The following PSD3 variants were observed in gnomAD, a reference collection of about 807,000 sequenced individuals.
PSD3 encodes PH and SEC7 domain-containing protein 3.
PSD3 carries 49 observed loss-of-function variants against 105.5 expected under a neutral mutation model. That is an observed-to-expected ratio of 0.46 (90% CI 0.37 to 0.59). The LOEUF (loss-of-function observed/expected upper bound fraction) is 0.59, where lower values mean the gene tolerates loss of function less well. Among genes scored for constraint, PSD3 ranks in the 20% least tolerant of loss-of-function variants. PSD3 has a pLI of 0.00. For missense variants in PSD3, 1,561 were observed against 1,263.8 expected (o/e 1.24, Z -3.57); for synonymous variants, 557 against 457.8 (o/e 1.22, Z -2.77).
intron 1 of PSD3, among the ~76,000 whole-genome samples, chr8:19,058,973 C>A (rs148764335): frequency 4.3e-4 from 65 of 152,302 alleles, no homozygotes; most frequent in Non-Finnish European, 7.3e-5. Flanking sequence ...AGCAGAGCTA[C>A]CCAACCTGAA....
At chr8:18,655,093 G>A (rs1043695947) in intron 10 of PSD3, among the ~76,000 whole-genome samples, 2 of 151,964 alleles carry the variant, frequency 1.3e-5, no homozygotes, top group East Asian at 3.9e-4. Context: ...GGAGGCCGAG[G>A]CAGGTGGATC....
intron 1 of PSD3, among the ~76,000 whole-genome samples, chr8:19,009,902 C>T (rs899059161): frequency 1.3e-5 from 2 of 152,056 alleles, no homozygotes; most frequent in African/African-American, 2.4e-5. Context: ...ACAACAACAA[C>T]AGAAAAATCA....
At chr8:18,610,943 C>G (rs1329039524) in intron 11 of PSD3, among the ~76,000 whole-genome samples, 1 of 152,172 alleles carries the variant, frequency 6.6e-6, no homozygotes, top group Non-Finnish European at 1.5e-5. Context: ...AAAATCTATA[C>G]AATGAATCTA....
intron 15 of PSD3, among the ~76,000 whole-genome samples, chr8:18,537,882 G>A (rs930200679): frequency 9.9e-5 from 15 of 152,122 alleles, no homozygotes; most frequent in Admixed American, 1.3e-4. Flanking sequence ...TCGCCATGTT[G>A]GCCAGGCTGG....
At chr8:18,826,206 C>A (rs575343275) in intron 4 of PSD3, among the ~76,000 whole-genome samples, 1 of 152,314 alleles carries the variant, frequency 6.6e-6, no homozygotes, top group South Asian at 2.1e-4. Context: ...AGCTCTCTGT[C>A]GCTCAGGCCT....
At chr8:18,616,156 C>T (rs1805644804) in intron 11 of PSD3, among the ~76,000 whole-genome samples, 1 of 152,354 alleles carries the variant, frequency 6.6e-6, no homozygotes, top group Non-Finnish European at 1.5e-5. Context: ...AGCCAGAAAA[C>T]GGTCTGCTAC....
chr8:18,641,824 T>G (rs976370487), intron 10 of PSD3, among the ~76,000 whole-genome samples: 5 of 152,132 alleles, frequency 3.3e-5, no homozygotes, highest in African/African-American at 1.2e-4. Flanking sequence ...ATGTGCTGAG[T>G]TATCATGGGG....
chr8:18,943,875 AC>A lies in PSD3; in HGVS notation c.22-7734del, dbSNP rs200675789. Among the ~76,000 whole-genome samples, 937 of 152,066 alleles carry A rather than the reference AC, an allele frequency of 6.2e-3. 28 individuals are homozygous for A. Among genetic ancestry groups the A allele is most frequent in the Admixed American group, 0.045 (693 of 15,272 alleles). Reference sequence around the variant, plus strand: ...CTCACCAAGCTAATGAAATTATGGCACCCTATACTTCACCATGCAAGCAGGA... The same window carrying A: ...CTCACCAAGCTAATGAAATTATGGCACCTATACTTCACCATGCAAGCAGGA... On this transcript the variant is annotated intron_variant, in intron 1 of 15. Transcript: ENST00000327040.
At chr8:18,620,815 T>G (rs934870170) in intron 11 of PSD3, among the ~76,000 whole-genome samples, 1 of 152,250 alleles carries the variant, frequency 6.6e-6, no homozygotes, top group African/African-American at 2.4e-5. Context: ...TTAATTCCTT[T>G]AGGAAACTAG....
intron 4 of PSD3, among the ~76,000 whole-genome samples, chr8:18,821,087 T>C (rs1162088862): frequency 6.6e-6 from 1 of 152,210 alleles, no homozygotes; most frequent in Non-Finnish European, 1.5e-5. Flanking sequence ...GATTTTATTC[T>C]GTTTATTTTC....
chr8:18,752,414 G>A (rs1204311784), intron 9 of PSD3, among the ~76,000 whole-genome samples: 2 of 136,272 alleles, frequency 1.5e-5, no homozygotes, highest in African/African-American at 2.8e-5. Context: ...TCAAATGCAA[G>A]TGATAAGCAA....
chr8:18,784,473 C>A lies in PSD3; in HGVS notation c.2082+14822G>T, dbSNP rs566323207. Among the ~76,000 whole-genome samples the A allele has an allele frequency of 7.9e-5, 12 of 152,254 alleles. No individual in the cohort carries two copies. The South Asian group carries it at 1.5e-3, about 18-fold the overall frequency. On this transcript the variant is annotated intron_variant, in intron 8 of 15. Transcript: ENST00000327040. ...ATTCAATTATAATACTATGTATCTG[C>A]TGATTTCATGAGCTCATACAGGTTA...
At chr8:18,612,557 G>C (rs1356524132) in intron 11 of PSD3, among the ~76,000 whole-genome samples, 1 of 152,008 alleles carries the variant, frequency 6.6e-6, no homozygotes, top group Non-Finnish European at 1.5e-5. Context: ...TATTTTAGTA[G>C]AGATGGGTTT....
chr8:18,563,639 A>T (rs1222995717), intron 14 of PSD3, among the ~76,000 whole-genome samples: 1 of 152,194 alleles, frequency 6.6e-6, no homozygotes, highest in Admixed American at 6.5e-5. Flanking sequence ...TATAAGCAAA[A>T]TAGCTTCCAC....
intron 1 of PSD3, among the ~76,000 whole-genome samples, chr8:18,960,921 C>CA (rs1357529872): frequency 6.6e-6 from 1 of 151,346 alleles, no homozygotes; most frequent in Non-Finnish European, 1.5e-5. Context: ...TCCATCTCTA[C>CA]AAAAAAATAC....
intron 10 of PSD3, among the ~76,000 whole-genome samples, chr8:18,636,091 G>A (rs1376307426): frequency 2.6e-5 from 4 of 152,158 alleles, no homozygotes; most frequent in Non-Finnish European, 5.9e-5. Flanking sequence ...CATAGGAGAT[G>A]ACAGCTTCAT....
chr8:18,799,262 T>C, intron 8 of PSD3, 33 bp downstream of exon 8: 4 of 1,546,076 alleles, frequency 2.6e-6, no homozygotes, highest in Non-Finnish European at 3.6e-6. Context: ...GCCCGACATG[T>C]TTTGGATCTA....
chr8:18,831,286 TAAGTA>T (rs1203261746), intron 4 of PSD3, among the ~76,000 whole-genome samples: 2 of 152,232 alleles, frequency 1.3e-5, no homozygotes, highest in African/African-American at 4.8e-5. Context: ...GCTCTGAACT[TAAGTA>T]TAGTACCACC....
chr8:18,928,234 A>G (rs1366459007), intron 2 of PSD3, among the ~76,000 whole-genome samples: 2 of 152,290 alleles, frequency 1.3e-5, no homozygotes, highest in East Asian at 3.9e-4. Flanking sequence ...GATAGCAAAT[A>G]AGTCTCATGA....
Sources: allele counts gnomAD v4.1 joint callset (sites outside exome capture counted in the v4.1 genomes callset), GRCh38; gene constraint gnomAD v4.1.1; transcripts MANE v1.5; gene names NCBI Gene and HGNC (gene_info 2026-07-23, HGNC 2026-07-21).